Variants in LYPLAL1 observed in about 807,000 individuals in gnomAD.
LYPLAL1 encodes the protein lysophospholipase-like protein 1.
A neutral mutation model predicts 19.7 loss-of-function variants in LYPLAL1; 23 were observed. The ratio of observed to expected loss-of-function variants is 1.17; its 90% confidence interval spans 0.84 to 1.65. The LOEUF (loss-of-function observed/expected upper bound fraction) is 1.65, where lower values mean the gene tolerates loss of function less well. LYPLAL1 is among the 40% of genes most tolerant of loss of function. The probability of loss-of-function intolerance (pLI) is 0.00; values close to 1 mark genes in which losing one functional copy is unlikely to be tolerated. For missense variants in LYPLAL1, 355 were observed against 279.4 expected, an observed-to-expected ratio of 1.27 and a Z score of -1.93; for synonymous variants, 119 against 96.3, an observed-to-expected ratio of 1.24 and a Z score of -1.38.
the LYPLAL1 span, among the ~76,000 whole-genome samples, chr1:219,279,700 T>C: frequency 6.6e-6 from 1 of 152,210 alleles, no homozygotes; most frequent in Non-Finnish European, 1.5e-5. Flanking sequence ...AAGTTGAATT[T>C]TTTATAGGAT....
the LYPLAL1 span, among the ~76,000 whole-genome samples, chr1:219,306,781 G>GATAGATAGATAC: frequency 2.0e-5 from 3 of 150,098 alleles, no homozygotes; most frequent in African/African-American, 7.5e-5. Flanking sequence ...TAGATAGATA[G>GATAGATAGATAC]ATAGATACAT....
chr1:219,334,945 A>G, the LYPLAL1 span, among the ~76,000 whole-genome samples: 7 of 151,858 alleles, frequency 4.6e-5, no homozygotes, highest in South Asian at 1.0e-3. Flanking sequence ...TGGTTTTCCA[A>G]ATTTTTACCA....
At chr1:219,281,624 G>A in the LYPLAL1 span, among the ~76,000 whole-genome samples, 2 of 152,054 alleles carry the variant, frequency 1.3e-5, no homozygotes, top group African/African-American at 2.4e-5. Context: ...CACACAGCAG[G>A]TGAGACTGGA....
At chr1:219,352,343 C>A in the LYPLAL1 span, among the ~76,000 whole-genome samples, 1 of 151,960 alleles carries the variant, frequency 6.6e-6, no homozygotes, top group African/African-American at 2.4e-5. Flanking sequence ...ACGGTGAAAC[C>A]CCGTCTCTAC....
At chr1:219,278,033 A>C in the LYPLAL1 span, among the ~76,000 whole-genome samples, 1 of 152,220 alleles carries the variant, frequency 6.6e-6, no homozygotes, top group Admixed American at 6.5e-5. Context: ...ACAATTTCAA[A>C]AATTGTTTTT....
the LYPLAL1 span, among the ~76,000 whole-genome samples, chr1:219,314,456 CT>C: frequency 6.6e-6 from 1 of 150,856 alleles, no homozygotes; most frequent in African/African-American, 2.4e-5. Context: ...TTCTTTTTTT[CT>C]TTTTTGAGAT....
intron 3 of LYPLAL1, among the ~76,000 whole-genome samples, chr1:219,209,099 T>C (rs1260075668): frequency 1.3e-5 from 2 of 152,112 alleles, no homozygotes; most frequent in Admixed American, 6.6e-5. Flanking sequence ...ATTAGATGTA[T>C]CTACATCTGG....
At chr1:219,234,612 A>G in the LYPLAL1 span, among the ~76,000 whole-genome samples, 6 of 152,166 alleles carry the variant, frequency 3.9e-5, no homozygotes, top group Non-Finnish European at 1.5e-5. Flanking sequence ...GAAGAAAACT[A>G]TTGCTTCTAT....
chr1:219,186,362 T>C lies in LYPLAL1; in HGVS notation c.192-6720T>C, dbSNP rs140393018. 2.4e-3 allele frequency among the ~76,000 whole-genome samples: 367 copies of C among 152,018 alleles called. 2 individuals carry two copies. The highest frequency in any genetic ancestry group is 0.023 in the South Asian group (111 of 4,818). On this transcript the variant is annotated intron_variant, in intron 2 of 4. Transcript: ENST00000366928. Reference sequence around the variant, plus strand: ...TTGAAAGCATTACACAAATTCTGTATATGCTTAGTGATTATTTTTCTAAGT... The same window carrying C: ...TTGAAAGCATTACACAAATTCTGTACATGCTTAGTGATTATTTTTCTAAGT...
At chr1:219,241,134 C>CTCTATATATATATATATATATATA in the LYPLAL1 span, among the ~76,000 whole-genome samples, 2 of 44,368 alleles carry the variant, frequency 4.5e-5, no homozygotes, top group African/African-American at 8.0e-5. Context: ...CTCTCTCTCT[C>CTCTATATATATATATATATATATA]TATATATATA....
chr1:219,229,684 G>T, the LYPLAL1 span, among the ~76,000 whole-genome samples: 1 of 152,184 alleles, frequency 6.6e-6, no homozygotes. Context: ...AGTATTCACC[G>T]CTAGACACTG....
the LYPLAL1 span, among the ~76,000 whole-genome samples, chr1:219,419,843 T>G: frequency 1.3e-5 from 2 of 152,094 alleles, no homozygotes; most frequent in Admixed American, 1.3e-4. Flanking sequence ...ATTGTATAAT[T>G]AAGGCGCCTC....
At chr1:219,427,348 TGGG>T in the LYPLAL1 span, among the ~76,000 whole-genome samples, 1 of 152,242 alleles carries the variant, frequency 6.6e-6, no homozygotes, top group Admixed American at 6.5e-5. Flanking sequence ...TATGAATTTA[TGGG>T]TTACTCCTTT....
At chr1:219,425,832 T>C in the LYPLAL1 span, among the ~76,000 whole-genome samples, 1 of 152,202 alleles carries the variant, frequency 6.6e-6, no homozygotes, top group Non-Finnish European at 1.5e-5. Flanking sequence ...TTGAGCTATA[T>C]GGTGGATTGC....
downstream of LYPLAL1, among the ~76,000 whole-genome samples, chr1:219,213,134 T>A (rs990924218): frequency 2.6e-4 from 40 of 152,042 alleles, no homozygotes; most frequent in African/African-American, 9.2e-4. Context: ...AATGTGTTAA[T>A]TTTTATATGC....
the LYPLAL1 span, among the ~76,000 whole-genome samples, chr1:219,260,927 T>C: frequency 6.6e-6 from 1 of 151,952 alleles, no homozygotes; most frequent in African/African-American, 2.4e-5. Flanking sequence ...CTTTTTAAAA[T>C]ACTTGAGATT....
At chr1:219,215,186 G>A (rs988773323), downstream of LYPLAL1, among the ~76,000 whole-genome samples, 13 of 151,982 alleles carry the variant, frequency 8.6e-5, no homozygotes, top group African/African-American at 3.1e-4. Context: ...CTTTTGTGTC[G>A]ATGAAGTCTG....
the LYPLAL1 span, among the ~76,000 whole-genome samples, chr1:219,310,425 G>T: frequency 6.6e-6 from 1 of 152,274 alleles, no homozygotes; most frequent in South Asian, 2.1e-4. Flanking sequence ...TTGAATAGCT[G>T]ATTTGAGTTG....
At chr1:219,418,295 C>T in the LYPLAL1 span, among the ~76,000 whole-genome samples, 1 of 152,108 alleles carries the variant, frequency 6.6e-6, no homozygotes, top group Admixed American at 6.5e-5. Context: ...AGTTGGACAA[C>T]TCTCATTCAC....
Sources: gnomAD v4.1 joint callset for allele counts (sites outside exome capture counted in the v4.1 genomes callset) on GRCh38, gnomAD v4.1.1 for gene constraint, MANE v1.5 for transcripts, NCBI Gene and HGNC (gene_info 2026-07-23, HGNC 2026-07-21) for gene names.